Variants in MORC3 observed in about 807,000 individuals in gnomAD.
The protein encoded by MORC3 is MORC family CW-type zinc finger protein 3.
In MORC3, 31 loss-of-function variants were observed where a neutral mutation model predicts 109.1. That is an observed-to-expected ratio of 0.28 (90% CI 0.21 to 0.38). The LOEUF (loss-of-function observed/expected upper bound fraction) is 0.38. Ranked by LOEUF, MORC3 falls within the 10% of genes least tolerant of loss-of-function variation. The pLI is 1.00. For missense variants in MORC3, 867 were observed against 1,135.8 expected (o/e 0.76, Z 3.40); for synonymous variants, 395 against 380.7 (o/e 1.04, Z -0.44).
intron 15 of MORC3, among the ~76,000 whole-genome samples, chr21:36,371,075 A>G (rs1483891428): frequency 1.3e-5 from 2 of 152,152 alleles, no homozygotes; most frequent in Admixed American, 1.3e-4. Context: ...AAGGAGAAAA[A>G]CGATAAATAC....
At chr21:36,343,309 G>A (rs978957111) in intron 6 of MORC3, among the ~76,000 whole-genome samples, 1 of 152,004 alleles carries the variant, frequency 6.6e-6, no homozygotes, top group African/African-American at 2.4e-5. Context: ...TGGCCAGACT[G>A]GTCTCGAACT....
intron 9 of MORC3, among the ~76,000 whole-genome samples, chr21:36,353,566 C>T (rs9636904): frequency 0.62 from 92,516 of 150,338 alleles, 29,293 homozygotes; most frequent in East Asian, 0.99. Context: ...CATGGTGAAA[C>T]CCCATCTCTA....
chr21:36,339,650 G>A (rs1253733359), intron 5 of MORC3: 1 of 152,088 alleles, frequency 6.6e-6, no homozygotes, highest in Non-Finnish European at 1.5e-5. Context: ...TTTTTGTGTT[G>A]CTAAAATTTA....
chr21:36,363,044 T>A (rs375095152), intron 13 of MORC3, among the ~76,000 whole-genome samples: 1 of 152,162 alleles, frequency 6.6e-6, no homozygotes, highest in Non-Finnish European at 1.5e-5. Flanking sequence ...TCTGTCTTAA[T>A]ACTTACTGTG....
chr21:36,341,761 C>T (rs1299028853), intron 6 of MORC3, among the ~76,000 whole-genome samples: 1 of 152,114 alleles, frequency 6.6e-6, no homozygotes, highest in Non-Finnish European at 1.5e-5. Flanking sequence ...CATTAGCACA[C>T]TGGTTGATTT....
rs746317088 is a variant in MORC3, at chr21:36,344,567, G to C, written c.757-12G>C. On this transcript the variant is annotated splice_polypyrimidine_tract_variant and intron_variant, in intron 6 of 16. Coordinates refer to ENST00000400485, the MANE Select transcript of MORC3 (RefSeq NM_015358.3). Reference sequence around the variant, plus strand: ...CCTGTAGATACTAACTTCTTGTTATGTTATTTTCCAGGCTTATTGCAGTAT... The same window carrying C: ...CCTGTAGATACTAACTTCTTGTTATCTTATTTTCCAGGCTTATTGCAGTAT... The C allele has an allele frequency of 8.1e-6, 13 of 1,610,608 alleles. No individual in the cohort carries two copies. Among genetic ancestry groups the C allele is most frequent in the Admixed American group, 6.7e-5 (4 of 59,368 alleles).
chr21:36,353,755 A>ATTTTTTTTTTT (rs1202729285), intron 9 of MORC3, among the ~76,000 whole-genome samples: 2,007 of 70,902 alleles, frequency 0.028, 390 homozygotes, highest in East Asian at 0.18. Context: ...TAATTTTTGT[A>ATTTTTTTTTTT]TTTTTTTTTT....
At chr21:36,335,283 A>C (rs2282107) in intron 2 of MORC3, among the ~76,000 whole-genome samples, 14,947 of 151,424 alleles carry the variant, frequency 0.099, 1,296 homozygotes, top group East Asian at 0.4. Context: ...GTTCTATCAT[A>C]GATGGAAGAT....
At chr21:36,323,130 G>T (rs1016597421) in intron 1 of MORC3, among the ~76,000 whole-genome samples, 1 of 152,182 alleles carries the variant, frequency 6.6e-6, no homozygotes, top group African/African-American at 2.4e-5. Flanking sequence ...TTGGAAGTCA[G>T]TTGGGAGTCA....
chr21:36,347,085 T>A lies in MORC3; in HGVS notation c.1005+2054T>A, dbSNP rs189204916. ...GCAAGTTGCTTAAGACATAACAGCGTGGATCTCAGACACAAACACATCATT... is the reference window on the plus strand; with the variant it reads ...GCAAGTTGCTTAAGACATAACAGCGAGGATCTCAGACACAAACACATCATT... On this transcript the variant is annotated intron_variant, in intron 8 of 16. Transcript: ENST00000400485. 6.6e-5 allele frequency among the ~76,000 whole-genome samples: 10 copies of A among 151,918 alleles called. No individual in the cohort carries two copies. In the East Asian group the frequency reaches 1.9e-3, roughly 29 times the overall value.
At chr21:36,374,900 G>A (rs1164208722) in intron 16 of MORC3, among the ~76,000 whole-genome samples, 2 of 152,128 alleles carry the variant, frequency 1.3e-5, no homozygotes, top group African/African-American at 4.8e-5. Context: ...TCGAACTCCT[G>A]GGCTCCAGCG....
chr21:36,360,252 A>G lies in MORC3; in HGVS notation c.1400A>G (p.Lys467Arg). The G allele has an allele frequency of 1.9e-6, 3 of 1,613,270 alleles. No homozygotes were observed. Among genetic ancestry groups the G allele is most frequent in the Non-Finnish European group, 2.5e-6 (3 of 1,179,428 alleles). Reference protein sequence around the residue: ...LVHPTYEKTYKKTNKEKFRIR... With the variant: ...LVHPTYEKTYRKTNKEKFRIR... ...CATCCCACTTATGAAAAAACCTACA[A>G]AAAGACGTGAGTGTTGTATTGATGT... The change falls in exon 12 of 17, where the codon AAA (lysine) becomes AGA (arginine). Residue 467 changes from lysine (K) to arginine (R), a missense_variant. This residue lies in a region of MORC3 where 486 missense variants were observed against 502.1 expected (regional missense o/e 0.97). Coordinates refer to ENST00000400485, the MANE Select transcript of MORC3 (RefSeq NM_015358.3).
chr21:36,323,137 G>A (rs2085210959), intron 1 of MORC3, among the ~76,000 whole-genome samples: 1 of 152,198 alleles, frequency 6.6e-6, no homozygotes, highest in South Asian at 2.1e-4. Context: ...TCAGTTGGGA[G>A]TCATCGGCTC....
chr21:36,372,161 T>A (rs1255747621), intron 15 of MORC3, among the ~76,000 whole-genome samples: 4 of 152,030 alleles, frequency 2.6e-5, no homozygotes, highest in Non-Finnish European at 5.9e-5. Flanking sequence ...CAAGTGGTAA[T>A]ATGTTGTATT....
intron 1 of MORC3, among the ~76,000 whole-genome samples, chr21:36,329,125 T>C (rs868272887): frequency 6.6e-6 from 1 of 151,996 alleles, no homozygotes; most frequent in African/African-American, 2.4e-5. Flanking sequence ...AAATCATGTC[T>C]CTACCAAAAA....
intron 14 of MORC3, among the ~76,000 whole-genome samples, chr21:36,365,825 G>A (rs145272421): frequency 2.1e-3 from 325 of 152,104 alleles, no homozygotes; most frequent in Non-Finnish European, 3.2e-3. Context: ...CAGGTGATCC[G>A]CCCGCCTCGG....
intron 10 of MORC3, among the ~76,000 whole-genome samples, chr21:36,357,508 C>T (rs2146325062): frequency 6.6e-6 from 1 of 151,942 alleles, no homozygotes; most frequent in Middle Eastern, 3.4e-3. Flanking sequence ...ATCCTCCCAC[C>T]CAAAGTGCTG....
chr21:36,330,218 T>C (rs2085300083), intron 1 of MORC3, among the ~76,000 whole-genome samples: 1 of 151,836 alleles, frequency 6.6e-6, no homozygotes, highest in Admixed American at 6.6e-5. Context: ...CAGGAGATAA[T>C]CAATTAAGAG....
chr21:36,354,679 A>G (rs917890387), intron 9 of MORC3, among the ~76,000 whole-genome samples: 1 of 152,228 alleles, frequency 6.6e-6, no homozygotes, highest in African/African-American at 2.4e-5. Context: ...CAGTGCCTGT[A>G]TCATAGAAGT....
Sources: allele counts gnomAD v4.1 joint callset (sites outside exome capture counted in the v4.1 genomes callset), GRCh38; gene constraint gnomAD v4.1.1; regional missense constraint gnomAD v4.1.1; transcripts MANE v1.5; gene names NCBI Gene and HGNC (gene_info 2026-07-23, HGNC 2026-07-21).